DENND2B: variants seen among roughly 807,000 people sequenced by gnomAD.
DENND2B encodes the protein DENN domain-containing protein 2B.
A neutral mutation model predicts 116.0 loss-of-function variants in DENND2B; 32 were observed. That is an observed-to-expected ratio of 0.28 (90% confidence interval 0.21 to 0.37). DENND2B has a LOEUF of 0.37. DENND2B is among the 10% of genes least tolerant of loss of function. The pLI, the probability that DENND2B is intolerant of heterozygous loss-of-function variation, is 1.00. For missense variants in DENND2B, 1,276 were observed against 1,477.7 expected, an observed-to-expected ratio of 0.86 and a Z score of 2.24; for synonymous variants, 588 against 583.9, an observed-to-expected ratio of 1.01 and a Z score of -0.10.
At chr11:8,865,313 A>G (rs1186331646) in intron 2 of DENND2B, among the ~76,000 whole-genome samples, 1 of 152,216 alleles carries the variant, frequency 6.6e-6, no homozygotes, top group African/African-American at 2.4e-5. Flanking sequence ...GAGTTTACAT[A>G]TATTCCACAA....
At position 8,693,938 on chromosome 11, in the gene DENND2B, CAG is replaced by C; in HGVS notation, c.*156_*157del. ...AAGCTTACAGCAGATTATTTACAAA[CAG>C]TATCCTGGGATATGATGAAGGCAGA... On this transcript the variant is annotated 3_prime_UTR_variant, in exon 20 of 20. Coordinates refer to ENST00000313726, the MANE Select transcript of DENND2B (RefSeq NM_213618.2). 3 of 651,898 alleles carry C rather than the reference CAG, an allele frequency of 4.6e-6. No individual in the cohort carries two copies. Among genetic ancestry groups the C allele is most frequent in the Non-Finnish European group, 7.9e-6 (3 of 380,876 alleles). 40.4% of individuals were successfully genotyped at this position (651,898 alleles called of 1,614,324 possible). A position where few individuals can be genotyped will look rare whatever the true frequency, so the allele number is the denominator to read the frequency against.
chr11:8,770,459 T>A (rs962322506), intron 1 of DENND2B, among the ~76,000 whole-genome samples: 3 of 152,186 alleles, frequency 2.0e-5, no homozygotes, highest in Non-Finnish European at 4.4e-5. Flanking sequence ...TTAACATATG[T>A]AAAGTGCCTG....
At chr11:8,795,763 T>TC (rs1254548415) in intron 1 of DENND2B, among the ~76,000 whole-genome samples, 1 of 152,162 alleles carries the variant, frequency 6.6e-6, no homozygotes, top group Non-Finnish European at 1.5e-5. Flanking sequence ...GGAAAGTGAT[T>TC]CCCCGCTTTC....
intron 1 of DENND2B, among the ~76,000 whole-genome samples, chr11:8,801,264 T>C (rs1180547167): frequency 2.0e-5 from 3 of 152,130 alleles, no homozygotes; most frequent in Non-Finnish European, 4.4e-5. Flanking sequence ...CTCCGATCTA[T>C]ATGCTGACTG....
chr11:8,839,724 A>T (rs1275360555), intron 3 of DENND2B, among the ~76,000 whole-genome samples: 1 of 145,968 alleles, frequency 6.9e-6, no homozygotes, highest in Admixed American at 6.8e-5. Context: ...CATTCTACTC[A>T]AAGTGCCAGG....
At chr11:8,718,499 C>A (rs927545822) in intron 4 of DENND2B, 1 of 1,464,260 alleles carries the variant, frequency 6.8e-7, no homozygotes, top group Non-Finnish European at 9.0e-7. Context: ...CGGAACGGAA[C>A]AGTGATTAGC....
At chr11:8,794,215 G>A (rs2059623809) in intron 1 of DENND2B, among the ~76,000 whole-genome samples, 1 of 152,220 alleles carries the variant, frequency 6.6e-6, no homozygotes, top group African/African-American at 2.4e-5. Context: ...CAGTTTCAGT[G>A]TTACATACAC....
chr11:8,717,791 G>A lies in DENND2B; in HGVS notation c.1579C>T (p.His527Tyr). ...QLSENSLDSL[H>Y]RMWSPQDRKY... ...CTGTCCTGAGGACTCCACATCCTGTGCAAAGAGTCCAAGGAGTTCTCAGAC... is the reference window on the plus strand; with the variant it reads ...CTGTCCTGAGGACTCCACATCCTGTACAAAGAGTCCAAGGAGTTCTCAGAC... Residue 527 changes from histidine (H) to tyrosine (Y), a missense_variant, in exon 5 of 20, where the codon CAC becomes TAC. Physicochemically the swap from His to Tyr is moderately conservative, Grantham distance 83 (BLOSUM62 2). Transcript: ENST00000313726. The A allele has an allele frequency of 6.2e-7, 1 of 1,610,464 alleles. No individual in the cohort carries two copies. Among genetic ancestry groups the A allele is most frequent in the Non-Finnish European group, 8.5e-7 (1 of 1,177,678 alleles).
At chr11:8,757,277 T>A (rs1172961510) in intron 1 of DENND2B, 3 of 360,784 alleles carry the variant, frequency 8.3e-6, no homozygotes, top group Non-Finnish European at 1.6e-5. Flanking sequence ...AAAAAATGTT[T>A]GTTCTTCCAG....
chr11:8,730,552 C>A lies in DENND2B; in HGVS notation c.738G>T (p.Ala246=). The change falls in exon 3 of 20, where the codon GCG becomes GCT. Residue 246 remains alanine (A), a synonymous_variant. Transcript: ENST00000313726. The surrounding 1 kb of genome is among the most constrained non-coding windows in gnomAD (Gnocchi z 4.1). ...GGTAGAAAGAGTCCCGGACAGGGAG[C>A]GCCTCTCCCTCCTCCTCAGTCTCTG... is the stretch of plus-strand genomic sequence containing the variant. The part of the protein sequence containing the change: ...SYPETEEEGE[A]LPVRDSFYRL... The A allele has an allele frequency of 6.2e-7, 1 of 1,613,190 alleles. No individual in the cohort carries two copies. The highest frequency in any genetic ancestry group is 8.5e-7 in the Non-Finnish European group (1 of 1,180,018).
chr11:8,852,913 C>T (rs2063060148), intron 3 of DENND2B, among the ~76,000 whole-genome samples: 1 of 152,052 alleles, frequency 6.6e-6, no homozygotes, highest in South Asian at 2.1e-4. Context: ...GGGAGGTGGG[C>T]CTGATAAGCT....
At chr11:8,892,828 G>A (rs927358093) in intron 1 of DENND2B, among the ~76,000 whole-genome samples, 27 of 152,194 alleles carry the variant, frequency 1.8e-4, no homozygotes, top group Non-Finnish European at 5.9e-5. Flanking sequence ...ACAAGGAGGA[G>A]CTGGTACCAT....
chr11:8,707,356 G>T lies in DENND2B; in HGVS notation c.2431-131C>A. On this transcript the variant is annotated intron_variant, in intron 12 of 19. Transcript: ENST00000313726. This position sits in a 1 kb window ranked among gnomAD's most constrained non-coding sequence, Gnocchi z 4.8. ...AGCTGGGAGACGGGAAGGTGGTCTT[G>T]CCATGATCTGCACACTCTACCCTTC... The T allele has an allele frequency of 2.5e-6, 3 of 1,186,492 alleles. No homozygotes were observed. Among genetic ancestry groups the T allele is most frequent in the Non-Finnish European group, 2.3e-6 (2 of 865,000 alleles). 73.5% of individuals were successfully genotyped at this position (1,186,492 alleles called of 1,614,324 possible).
intron 4 of DENND2B, chr11:8,718,096 A>ATCCCCCCCCCCC: frequency 3.1e-5 from 2 of 65,008 alleles, no homozygotes; most frequent in Non-Finnish European, 5.7e-5. Context: ...AAGCAGACCC[A>ATCCCCCCCCCCC]CCCCCCCACC....
At chr11:8,749,194 G>A (rs1306219933) in intron 2 of DENND2B, among the ~76,000 whole-genome samples, 1 of 152,214 alleles carries the variant, frequency 6.6e-6, no homozygotes, top group Non-Finnish European at 1.5e-5. Context: ...GGCAATGGGA[G>A]ATAAAGACTC....
intron 4 of DENND2B, among the ~76,000 whole-genome samples, chr11:8,819,575 G>GT (rs1199886036): frequency 6.6e-6 from 1 of 152,162 alleles, no homozygotes; most frequent in African/African-American, 2.4e-5. Context: ...ATGACACCAC[G>GT]TACCCCGATA....
intron 4 of DENND2B, among the ~76,000 whole-genome samples, chr11:8,720,962 C>T (rs1330827607): frequency 6.6e-6 from 1 of 152,122 alleles, no homozygotes; most frequent in South Asian, 2.1e-4. Context: ...GCCTGGCAGA[C>T]TGCAAATTTC....
At chr11:8,739,127 G>T (rs191629740) in intron 2 of DENND2B, among the ~76,000 whole-genome samples, 2 of 152,226 alleles carry the variant, frequency 1.3e-5, no homozygotes, top group Non-Finnish European at 2.9e-5. Context: ...GAATGAAAAT[G>T]TAAATAGTTA....
chr11:8,713,855 A>G (rs1310653881), intron 8 of DENND2B, 143 bp downstream of exon 8: 24 of 831,276 alleles, frequency 2.9e-5, no homozygotes, highest in African/African-American at 5.0e-5. Context: ...TCCCTGCTCT[A>G]TTGTTCTGGT....
Sources: allele counts gnomAD v4.1 joint callset (sites outside exome capture counted in the v4.1 genomes callset), GRCh38; gene constraint gnomAD v4.1.1; non-coding constraint Gnocchi (gnomAD v3.1); transcripts MANE v1.5; gene names NCBI Gene and HGNC (gene_info 2026-07-23, HGNC 2026-07-21).